The following ASZ1 variants were observed in gnomAD, a reference collection of about 807,000 sequenced individuals.
ASZ1 encodes ankyrin repeat, SAM and basic leucine zipper domain-containing protein 1.
Under a neutral mutation model 61.8 loss-of-function variants are expected in ASZ1, and 67 were observed. The ratio of observed to expected loss-of-function variants is 1.08; its 90% CI spans 0.89 to 1.33. The LOEUF (loss-of-function observed/expected upper bound fraction) is 1.33. Ranked by LOEUF, ASZ1 falls within the 40% of genes most tolerant of loss-of-function variation. ASZ1 has a pLI of 0.00. For missense variants in ASZ1, 577 were observed against 554.5 expected, an observed-to-expected ratio of 1.04 and a Z score of -0.41; for synonymous variants, 193 against 192.7, an observed-to-expected ratio of 1.00 and a Z score of -0.01.
chr7:117,393,296 A>G (rs575209785), intron 4 of ASZ1, among the ~76,000 whole-genome samples: 2 of 152,310 alleles, frequency 1.3e-5, no homozygotes, highest in African/African-American at 2.4e-5. Flanking sequence ...GTGTTATTCT[A>G]TATCTTTATT....
At chr7:117,371,312 G>A (rs766019936) in intron 10 of ASZ1, among the ~76,000 whole-genome samples, 1 of 151,912 alleles carries the variant, frequency 6.6e-6, no homozygotes, top group Non-Finnish European at 1.5e-5. Flanking sequence ...TTTCATTTAA[G>A]ACAAGTCTAT....
At chr7:117,394,115 C>G (rs985125848) in intron 4 of ASZ1, among the ~76,000 whole-genome samples, 1 of 151,958 alleles carries the variant, frequency 6.6e-6, no homozygotes, top group Non-Finnish European at 1.5e-5. Flanking sequence ...CCTGGCCCCC[C>G]TTTTTAGGAG....
chr7:117,405,535 C>T (rs1229106043), intron 4 of ASZ1, among the ~76,000 whole-genome samples: 1 of 152,218 alleles, frequency 6.6e-6, no homozygotes, highest in African/African-American at 2.4e-5. Context: ...ATGAGGGCAT[C>T]CCCATACTCA....
chr7:117,400,476 T>C (rs937789408), intron 4 of ASZ1, among the ~76,000 whole-genome samples: 4 of 152,164 alleles, frequency 2.6e-5, no homozygotes, highest in Non-Finnish European at 4.4e-5. Context: ...CCAATTAGCA[T>C]TGGCAAGTGC....
At chr7:117,377,082 G>A (rs560844098) in intron 10 of ASZ1, among the ~76,000 whole-genome samples, 3 of 152,218 alleles carry the variant, frequency 2.0e-5, no homozygotes, top group African/African-American at 7.2e-5. Flanking sequence ...AGGTGGAAAT[G>A]TACAGTCGAG....
intron 12 of ASZ1, among the ~76,000 whole-genome samples, 157 bp from the exon 13 acceptor site, chr7:117,363,905 T>C (rs1017226130): frequency 1.3e-5 from 2 of 152,170 alleles, no homozygotes; most frequent in African/African-American, 4.8e-5. Flanking sequence ...AAAGTAAACA[T>C]ATATGTCTGA....
At chr7:117,387,752 G>C (rs1318492177) in intron 4 of ASZ1, among the ~76,000 whole-genome samples, 1 of 152,020 alleles carries the variant, frequency 6.6e-6, no homozygotes, top group South Asian at 2.1e-4. Context: ...TTCCATTCTT[G>C]GCCACTTACA....
intron 4 of ASZ1, among the ~76,000 whole-genome samples, chr7:117,405,491 C>T (rs1796765130): frequency 6.6e-6 from 1 of 152,178 alleles, no homozygotes; most frequent in Non-Finnish European, 1.5e-5. Flanking sequence ...TTGGATCTAC[C>T]CCCTGCACCA....
chr7:117,382,027 A>T (rs771820565), intron 8 of ASZ1, 42 bp downstream of exon 8: 2 of 1,227,448 alleles, frequency 1.6e-6, no homozygotes. Context: ...CCAACAAATT[A>T]ACATATATGC....
chr7:117,401,208 G>A (rs1261156772), intron 4 of ASZ1, among the ~76,000 whole-genome samples: 1 of 152,120 alleles, frequency 6.6e-6, no homozygotes, highest in Non-Finnish European at 1.5e-5. Context: ...GGATATAGAT[G>A]TAATGGTTTA....
At chr7:117,389,055 C>G (rs1048441127) in intron 4 of ASZ1, among the ~76,000 whole-genome samples, 1 of 152,066 alleles carries the variant, frequency 6.6e-6, no homozygotes, top group African/African-American at 2.4e-5. Flanking sequence ...AAATCTATTG[C>G]TGTTTATTAG....
intron 4 of ASZ1, among the ~76,000 whole-genome samples, chr7:117,400,295 A>G (rs1796655619): frequency 6.6e-6 from 1 of 152,240 alleles, no homozygotes; most frequent in Admixed American, 6.5e-5. Flanking sequence ...TTGTTAGATC[A>G]AACCTCCCAC....
In ASZ1 at chr7:117,426,891, A is replaced by T. The variant is rs1584748344; in HGVS notation, c.150T>A (p.Phe50Leu). 1 of 1,613,080 alleles carries T rather than the reference A, an allele frequency of 6.2e-7. No homozygotes were observed. Among genetic ancestry groups the T allele is most frequent in the Non-Finnish European group, 8.5e-7 (1 of 1,179,782 alleles). ...CATCTCCGATGGTCATTGCTTTCTT[A>T]AATTTTTCTTTCTTTTCTTCAATGG... ...LLPIEEKKEK[F>L]KKAMTIGDVS... The change falls in exon 2 of 13, where the codon TTT (phenylalanine) becomes TTA (leucine). Residue 50 changes from phenylalanine to leucine, a missense_variant. By Grantham distance (22) the Phe-to-Leu change is conservative (BLOSUM62 0). Transcript: ENST00000284629.
At chr7:117,404,948 ACTCT>A (rs939030399) in intron 4 of ASZ1, among the ~76,000 whole-genome samples, 1 of 150,772 alleles carries the variant, frequency 6.6e-6, no homozygotes, top group African/African-American at 2.4e-5. Flanking sequence ...CCTATGATTG[ACTCT>A]CTCCCCTTCT....
chr7:117,422,255 T>C lies in ASZ1; in HGVS notation c.310A>G (p.Asn104Asp). Residue 104 changes from asparagine to aspartate, a missense_variant, in exon 3 of 13, where the codon AAT becomes GAT. Asn to Asp is a conservative substitution (Grantham distance 23). Coordinates refer to ENST00000284629, the MANE Select transcript of ASZ1 (RefSeq NM_130768.3). ...LVRVLLDRGA[N>D]ASFEKDKQSI... The stretch of plus-strand genomic sequence containing the variant: ...ATCTTACCCTTCTCAAAGCTTGCAT[T>C]AGCACCTCTGTCCAAAAGGACCCGA... The C allele has an allele frequency of 6.2e-7, 1 of 1,613,806 alleles. No homozygotes were observed. Among genetic ancestry groups the C allele is most frequent in the Non-Finnish European group, 8.5e-7 (1 of 1,179,886 alleles).
chr7:117,378,256 A>C (rs1303263889), intron 10 of ASZ1, among the ~76,000 whole-genome samples: 1 of 152,140 alleles, frequency 6.6e-6, no homozygotes, highest in Non-Finnish European at 1.5e-5. Context: ...ATGAAAAGAA[A>C]AATTACAGAG....
At chr7:117,417,572 T>G (rs1171735423) in intron 4 of ASZ1, among the ~76,000 whole-genome samples, 3 of 152,156 alleles carry the variant, frequency 2.0e-5, no homozygotes, top group Admixed American at 6.6e-5. Context: ...TCCTGATATG[T>G]TTTGTCTTTC....
At chr7:117,418,422 A>C (rs1395363792) in intron 4 of ASZ1, among the ~76,000 whole-genome samples, 1 of 152,162 alleles carries the variant, frequency 6.6e-6, no homozygotes, top group Non-Finnish European at 1.5e-5. Context: ...TGGGAGGCCA[A>C]AGTGGGCGGA....
intron 11 of ASZ1, 164 bp from the exon 12 acceptor site, chr7:117,367,629 A>C (rs2116444007): frequency 1.8e-6 from 2 of 1,136,386 alleles, no homozygotes; most frequent in South Asian, 7.9e-5. Context: ...ATTTTATAAA[A>C]ATATAATCAA....
Sources: gnomAD v4.1 joint callset for allele counts (sites outside exome capture counted in the v4.1 genomes callset) on GRCh38, gnomAD v4.1.1 for gene constraint, MANE v1.5 for transcripts, NCBI Gene and HGNC (gene_info 2026-07-23, HGNC 2026-07-21) for gene names.